PTPRD: variants seen among roughly 807,000 people sequenced by gnomAD.
PTPRD encodes the protein receptor-type tyrosine-protein phosphatase delta.
A neutral mutation model predicts 214.5 loss-of-function variants in PTPRD; 34 were observed. That is an observed-to-expected ratio of 0.16 (90% CI 0.12 to 0.21). PTPRD has a LOEUF of 0.21. Among genes scored for constraint, PTPRD ranks in the 10% least tolerant of loss-of-function variants. The pLI is 1.00. For synonymous variants in PTPRD, 1,128 were observed against 845.7 expected (o/e 1.33, Z -5.79); for missense variants, 2,545 against 2,398.7 (o/e 1.06, Z -1.27).
chr9:9,288,639 A>G (rs532716916), intron 9 of PTPRD, among the ~76,000 whole-genome samples: 26 of 151,900 alleles, frequency 1.7e-4, no homozygotes, highest in Non-Finnish European at 3.1e-4. Context: ...CAACAGTAAG[A>G]TGTTATATGC....
At chr9:9,363,055 C>A (rs1034720944) in intron 9 of PTPRD, among the ~76,000 whole-genome samples, 13 of 148,362 alleles carry the variant, frequency 8.8e-5, no homozygotes, top group African/African-American at 3.2e-4. Flanking sequence ...CTTGAGAGTT[C>A]TGGAACTGTG....
At chr9:9,575,140 C>T (rs1413046731) in intron 7 of PTPRD, among the ~76,000 whole-genome samples, 1 of 152,144 alleles carries the variant, frequency 6.6e-6, no homozygotes, top group Admixed American at 6.6e-5. Context: ...ATATAACATA[C>T]ATCCCGATAT....
intron 3 of PTPRD, among the ~76,000 whole-genome samples, chr9:10,338,953 T>A (rs2096891619): frequency 6.6e-6 from 1 of 151,244 alleles, no homozygotes; most frequent in Non-Finnish European, 1.5e-5. Context: ...AAAAAAAAAT[T>A]CCAACACAGA....
At chr9:8,852,296 T>C (rs980390735) in intron 11 of PTPRD, among the ~76,000 whole-genome samples, 1 of 152,226 alleles carries the variant, frequency 6.6e-6, no homozygotes, top group Non-Finnish European at 1.5e-5. Flanking sequence ...ATAAATTTAA[T>C]CAATCTCATG....
chr9:9,408,822 G>A lies in PTPRD; in HGVS notation c.-236-11340C>T, dbSNP rs551838817. Among the ~76,000 whole-genome samples the A allele has an allele frequency of 1.3e-4, 19 of 151,802 alleles. No homozygotes were observed. The East Asian group carries it at 2.1e-3, about 17-fold the overall frequency. Reference sequence around the variant, plus strand: ...CCTCATACTGTCTGGCACAAAGTGCGTTCTCAGTAATCATATTTTCTTTTT... The same window carrying A: ...CCTCATACTGTCTGGCACAAAGTGCATTCTCAGTAATCATATTTTCTTTTT... On this transcript the variant is annotated intron_variant, in intron 8 of 45. Transcript: ENST00000381196.
chr9:8,633,267 T>C (rs939373231), intron 14 of PTPRD, 50 bp downstream of exon 14: 26 of 1,586,502 alleles, frequency 1.6e-5, no homozygotes, highest in East Asian at 2.2e-5. Context: ...ACAAAAGAGA[T>C]ACAGAATTGT....
chr9:10,117,228 G>T (rs1396191720), intron 3 of PTPRD, among the ~76,000 whole-genome samples: 2 of 152,072 alleles, frequency 1.3e-5, no homozygotes, highest in Non-Finnish European at 2.9e-5. Context: ...AGAAAACAGA[G>T]TAAATTGCCT....
intron 4 of PTPRD, among the ~76,000 whole-genome samples, chr9:9,983,964 T>A (rs2095625465): frequency 6.6e-6 from 1 of 152,172 alleles, no homozygotes; most frequent in Admixed American, 6.5e-5. Flanking sequence ...CTTGATTTAG[T>A]ATGCCTATTC....
chr9:8,536,005 C>G (rs958362043), intron 14 of PTPRD, among the ~76,000 whole-genome samples: 1 of 151,808 alleles, frequency 6.6e-6, no homozygotes, highest in Non-Finnish European at 1.5e-5. Flanking sequence ...CTCTAAAATA[C>G]AAATATTTGA....
intron 5 of PTPRD, among the ~76,000 whole-genome samples, chr9:9,814,702 TC>T (rs1016724394): frequency 2.0e-5 from 3 of 151,254 alleles, no homozygotes; most frequent in African/African-American, 7.3e-5. Flanking sequence ...TTCCACGCAA[TC>T]CCTACCAAAT....
intron 11 of PTPRD, among the ~76,000 whole-genome samples, chr9:9,015,241 T>A (rs550973111): frequency 6.6e-6 from 1 of 152,200 alleles, no homozygotes; most frequent in African/African-American, 2.4e-5. Context: ...CTCAGAGGGT[T>A]AAGGCATTCT....
chr9:8,784,716 G>T (rs1313932803), intron 11 of PTPRD, among the ~76,000 whole-genome samples: 1 of 152,090 alleles, frequency 6.6e-6, no homozygotes, highest in Non-Finnish European at 1.5e-5. Flanking sequence ...AGATATGCCA[G>T]GACAAATTTC....
chr9:9,052,458 C>G (rs2099687974), intron 10 of PTPRD, among the ~76,000 whole-genome samples: 1 of 152,172 alleles, frequency 6.6e-6, no homozygotes, highest in Non-Finnish European at 1.5e-5. Flanking sequence ...TACATCCTTC[C>G]TTTAACATTA....
chr9:9,638,173 G>C (rs971216499), intron 7 of PTPRD, among the ~76,000 whole-genome samples: 1 of 151,956 alleles, frequency 6.6e-6, no homozygotes, highest in African/African-American at 2.4e-5. Context: ...TCTTTACTTG[G>C]CCAGGCTGAA....
At chr9:8,885,765 G>A (rs1392520730) in intron 11 of PTPRD, among the ~76,000 whole-genome samples, 7 of 151,916 alleles carry the variant, frequency 4.6e-5, no homozygotes, top group Non-Finnish European at 1.0e-4. Context: ...CCAATGTGCT[G>A]GGATTATCAG....
Position 10,302,208 on chromosome 9 carries a change from G to A in PTPRD, c.-545+38755C>T, listed in dbSNP as rs567723611. 1.1e-3 allele frequency among the ~76,000 whole-genome samples: 173 copies of A among 152,306 alleles called. 2 individuals carry two copies. Among genetic ancestry groups the A allele is most frequent in the African/African-American group, 3.8e-3 (158 of 41,574 alleles). On this transcript the variant is annotated intron_variant, in intron 3 of 45. Transcript: ENST00000381196. ...GAGAAATAAAATCCTTTATAGGCAA[G>A]CAAATGCTGAGAGATTTTGTCACCA...
intron 3 of PTPRD, among the ~76,000 whole-genome samples, chr9:10,188,621 G>A (rs935517194): frequency 7.3e-5 from 11 of 150,940 alleles, no homozygotes; most frequent in African/African-American, 2.7e-4. Flanking sequence ...CTCTAGGAAT[G>A]GCAAGATATT....
At chr9:9,180,544 A>C (rs931429395) in intron 10 of PTPRD, among the ~76,000 whole-genome samples, 1 of 151,904 alleles carries the variant, frequency 6.6e-6, no homozygotes, top group African/African-American at 2.4e-5. Context: ...ACATGTATAC[A>C]TATGTAACAA....
At chr9:8,421,085 G>A (rs1043068087) in intron 35 of PTPRD, among the ~76,000 whole-genome samples, 1 of 152,100 alleles carries the variant, frequency 6.6e-6, no homozygotes, top group Admixed American at 6.6e-5. Context: ...TTCTGCTGCA[G>A]CACAGTAGTA....
Sources: gnomAD v4.1 joint callset for allele counts (sites outside exome capture counted in the v4.1 genomes callset) on GRCh38, gnomAD v4.1.1 for gene constraint, MANE v1.5 for transcripts, NCBI Gene and HGNC (gene_info 2026-07-23, HGNC 2026-07-21) for gene names.